Variants in DACH2 observed in about 807,000 individuals in gnomAD.
DACH2 encodes the protein dachshund homolog 2.
A neutral mutation model predicts 35.8 loss-of-function variants in DACH2; 17 were observed. That is an observed-to-expected ratio of 0.48 (90% CI 0.33 to 0.71). DACH2 has a LOEUF of 0.71. Ranked by LOEUF, DACH2 falls within the 30% of genes least tolerant of loss-of-function variation. The pLI is 0.02. For synonymous variants in DACH2, 195 were observed against 177.3 expected (o/e 1.10, Z -0.79); for missense variants, 469 against 472.7 (o/e 0.99, Z 0.07).
rs748607706 is a variant in DACH2 at position 86,548,209 on chromosome X, T to G, written c.640+33818T>G. On this transcript the variant is annotated intron_variant, in intron 3 of 11. Transcript: ENST00000373125. Reference sequence around the variant, plus strand: ...GGGCAGGTTTAGATATGCAACTTTCTGATCTAGTAGTGTTAAAATATTTTA... The same window carrying G: ...GGGCAGGTTTAGATATGCAACTTTCGGATCTAGTAGTGTTAAAATATTTTA... Among the ~76,000 whole-genome samples, 8 of 112,073 alleles carry G rather than the reference T, an allele frequency of 7.1e-5. 1 individual carries two copies. In the South Asian group the frequency reaches 2.9e-3, roughly 41 times the overall value.
intron 3 of DACH2, among the ~76,000 whole-genome samples, chrX:86,516,864 C>T (rs1223344699): frequency 9.0e-6 from 1 of 111,298 alleles, no homozygotes; most frequent in Non-Finnish European, 1.9e-5. Context: ...TCCTCAGCTC[C>T]ATCCATGTTC....
chrX:86,450,073 CTTTTA>C (rs976544250), intron 2 of DACH2, among the ~76,000 whole-genome samples: 1 of 110,895 alleles, frequency 9.0e-6, no homozygotes, highest in Non-Finnish European at 1.9e-5. Flanking sequence ...TTTTCTTCAA[CTTTTA>C]TTTTAAGTTC....
chrX:86,331,463 A>AAAAC (rs755635542), intron 1 of DACH2, among the ~76,000 whole-genome samples: 2,176 of 110,551 alleles, frequency 0.02, 46 homozygotes, highest in African/African-American at 0.061. Context: ...CCTGGAAGAT[A>AAAAC]AAACAAACAA....
At chrX:86,227,275 A>T (rs1465167664) in intron 1 of DACH2, among the ~76,000 whole-genome samples, 1 of 109,492 alleles carries the variant, frequency 9.1e-6, no homozygotes, top group Non-Finnish European at 1.9e-5. Context: ...CCGATTAGGG[A>T]TACATGAAAT....
chrX:86,784,496 G>A (rs1461530532), intron 7 of DACH2, among the ~76,000 whole-genome samples: 4 of 112,173 alleles, frequency 3.6e-5, no homozygotes, highest in African/African-American at 9.7e-5. Context: ...TGGTGAAGCT[G>A]CGGAGAAAAA....
Position 86,648,710 on chromosome X carries a change from C to G in DACH2, c.641-2326C>G, listed in dbSNP as rs546778188. Among the ~76,000 whole-genome samples the G allele has an allele frequency of 2.6e-4, 29 of 110,536 alleles. No individual in the cohort carries two copies. The South Asian group carries it at 5.3e-3, about 20-fold the overall frequency. On this transcript the variant is annotated intron_variant, in intron 3 of 11. Transcript: ENST00000373125. ...TCATGGGTATAAACTTAGCTCCAAG[C>G]TCATCAAGTTGTACACATTATATAT...
chrX:86,392,021 C>T lies in DACH2; in HGVS notation c.527+15159C>T, dbSNP rs751362921. Among the ~76,000 whole-genome samples the T allele has an allele frequency of 5.5e-5, 6 of 109,978 alleles. No individual in the cohort carries two copies. In the East Asian group the frequency reaches 8.5e-4, roughly 16 times the overall value. The stretch of plus-strand genomic sequence containing the variant: ...TAAGTTCTGAGATACATGTGCAGAA[C>T]GGGGGCAGGTTTGTTACATAAGTAT... On this transcript the variant is annotated intron_variant, in intron 2 of 11. Transcript: ENST00000373125.
At chrX:86,321,589 A>G (rs1019511904) in intron 1 of DACH2, among the ~76,000 whole-genome samples, 2 of 111,817 alleles carry the variant, frequency 1.8e-5, no homozygotes, top group Non-Finnish European at 3.8e-5. Context: ...GTCAAGAAGT[A>G]TAGCCTCTCT....
At chrX:86,575,611 A>T (rs1412701832) in intron 3 of DACH2, among the ~76,000 whole-genome samples, 1 of 111,892 alleles carries the variant, frequency 8.9e-6, no homozygotes, top group Non-Finnish European at 1.9e-5. Flanking sequence ...TTTTATGCCT[A>T]AAAGAGGGTA....
chrX:86,342,815 T>A (rs5967722), intron 1 of DACH2, among the ~76,000 whole-genome samples: 25,222 of 105,317 alleles, frequency 0.24, 3,902 homozygotes, highest in African/African-American at 0.52. Context: ...ATAAATAAAT[T>A]AATTAATTAA....
Position 86,496,284 on chromosome X carries a change from C to A in DACH2, c.528-17995C>A, listed in dbSNP as rs188498954. 8.1e-5 allele frequency among the ~76,000 whole-genome samples: 9 copies of A among 111,179 alleles called. No individual in the cohort carries two copies. The East Asian group carries it at 2.0e-3, about 25-fold the overall frequency. On this transcript the variant is annotated intron_variant, in intron 2 of 11. Transcript: ENST00000373125. Reference sequence around the variant, plus strand: ...ATAAACTAATTCTTTTATACTAATTCTTTTATATTCTTTTTATATCAGTAT... The same window carrying A: ...ATAAACTAATTCTTTTATACTAATTATTTTATATTCTTTTTATATCAGTAT...
intron 1 of DACH2, among the ~76,000 whole-genome samples, chrX:86,221,783 G>T (rs904101703): frequency 8.9e-6 from 1 of 112,288 alleles, no homozygotes; most frequent in South Asian, 3.7e-4. Context: ...ACCACAGACT[G>T]GGTGTCATAA....
intron 7 of DACH2, among the ~76,000 whole-genome samples, chrX:86,753,262 A>G (rs1387880391): frequency 1.8e-5 from 2 of 111,968 alleles, no homozygotes; most frequent in Non-Finnish European, 3.8e-5. Flanking sequence ...GCAAATATAA[A>G]TTTCTCCAAA....
At chrX:86,748,746 A>G (rs562158607) in intron 7 of DACH2, among the ~76,000 whole-genome samples, 206 of 111,873 alleles carry the variant, frequency 1.8e-3, no homozygotes, top group Middle Eastern at 0.014. Context: ...ATCCCCTAAT[A>G]GGAGAGTTAG....
intron 1 of DACH2, among the ~76,000 whole-genome samples, chrX:86,271,552 G>C (rs1408995203): frequency 9.0e-6 from 1 of 111,671 alleles, no homozygotes; most frequent in African/African-American, 3.3e-5. Context: ...GTAGGAATTG[G>C]TTGAGCAGGG....
chrX:86,297,689 A>T (rs2034494710), intron 1 of DACH2, among the ~76,000 whole-genome samples: 1 of 112,284 alleles, frequency 8.9e-6, no homozygotes, highest in South Asian at 3.7e-4. Context: ...GGCTTAGAAA[A>T]TGTTTCATGC....
intron 2 of DACH2, among the ~76,000 whole-genome samples, chrX:86,424,325 A>T (rs188184465): frequency 6.4e-5 from 7 of 109,901 alleles, no homozygotes; most frequent in Non-Finnish European, 1.1e-4. Flanking sequence ...AAAATGAAAT[A>T]TTTTTTTCTA....
chrX:86,705,526 T>A (rs988615292), intron 5 of DACH2, among the ~76,000 whole-genome samples: 27 of 110,801 alleles, frequency 2.4e-4, no homozygotes, highest in African/African-American at 8.2e-4. Flanking sequence ...AAATGCAAAT[T>A]AAAACCACAA....
intron 1 of DACH2, among the ~76,000 whole-genome samples, chrX:86,228,540 C>G (rs2032877760): frequency 9.0e-6 from 1 of 110,647 alleles, no homozygotes; most frequent in Admixed American, 9.6e-5. Context: ...AATCTCCACA[C>G]TGTTTTCCAT....
Sources: gnomAD v4.1 joint callset for allele counts (sites outside exome capture counted in the v4.1 genomes callset) on GRCh38, gnomAD v4.1.1 for gene constraint, MANE v1.5 for transcripts, NCBI Gene and HGNC (gene_info 2026-07-23, HGNC 2026-07-21) for gene names.